Variants in UIMC1 observed in about 807,000 individuals in gnomAD.
The protein encoded by UIMC1 is BRCA1-A complex subunit RAP80.
A neutral mutation model predicts 84.9 loss-of-function variants in UIMC1; 42 were observed. The ratio of observed to expected loss-of-function variants is 0.49; its 90% confidence interval spans 0.39 to 0.64. The LOEUF is 0.64. Ranked by LOEUF, UIMC1 falls within the 30% of genes least tolerant of loss-of-function variation. UIMC1 has a pLI of 0.00. For synonymous variants in UIMC1, 281 were observed against 293.0 expected (o/e 0.96, Z 0.42); for missense variants, 825 against 847.6 (o/e 0.97, Z 0.33).
chr5:176,906,972 C>G, intron 13 of UIMC1, 142 bp downstream of exon 13: 1 of 738,292 alleles, frequency 1.4e-6, no homozygotes, highest in Non-Finnish European at 2.2e-6. Flanking sequence ...GGAGAGATGA[C>G]CTAGATTGAG....
chr5:176,927,851 C>CTT (rs754815729), intron 10 of UIMC1, among the ~76,000 whole-genome samples: 127 of 136,582 alleles, frequency 9.3e-4, no homozygotes, highest in African/African-American at 2.9e-3. Context: ...GGCCAGCCAG[C>CTT]TTTTTTTTTT....
At chr5:177,010,903 C>T (rs1355680276), upstream of UIMC1, among the ~76,000 whole-genome samples, 1 of 151,998 alleles carries the variant, frequency 6.6e-6, no homozygotes, top group Non-Finnish European at 1.5e-5. Flanking sequence ...TTTTAAGAAC[C>T]ACTACTGGGC....
chr5:176,957,689 A>G (rs1255979995), intron 7 of UIMC1, among the ~76,000 whole-genome samples: 2 of 152,240 alleles, frequency 1.3e-5, no homozygotes, highest in African/African-American at 4.8e-5. Context: ...AGATAAAATA[A>G]GCATAAGCAG....
intron 9 of UIMC1, among the ~76,000 whole-genome samples, chr5:176,943,783 T>C (rs886820303): frequency 1.3e-5 from 2 of 152,260 alleles, no homozygotes; most frequent in Admixed American, 6.5e-5. Flanking sequence ...TTAAACACTC[T>C]ATATGTATTA....
chr5:176,906,141 C>T, intron 13 of UIMC1, 94 bp from the exon 14 acceptor site: 2 of 1,214,950 alleles, frequency 1.6e-6, no homozygotes, highest in Non-Finnish European at 2.4e-6. Flanking sequence ...CTAGGCACTG[C>T]TTCTCATCAG....
chr5:176,968,755 T>A lies in UIMC1; in HGVS notation c.1000A>T (p.Asn334Tyr). The A allele has an allele frequency of 1.9e-6, 3 of 1,614,184 alleles. No homozygotes were observed. In the East Asian group the frequency reaches 6.7e-5, roughly 36 times the overall value. Reference sequence around the variant, plus strand: ...GCCTGCTCTCCTTGGCCACATTCATTCTGGATCAGAGAAGGAGGTCTAGGT... The same window carrying A: ...GCCTGCTCTCCTTGGCCACATTCATACTGGATCAGAGAAGGAGGTCTAGGT... Reference protein sequence around the residue: ...VLPRPPSLIQNECGQGEQASE... With the variant: ...VLPRPPSLIQYECGQGEQASE... Residue 334 changes from asparagine to tyrosine, a missense_variant, in exon 6 of 15, where the codon AAT (asparagine) becomes TAT (tyrosine). Physicochemically the swap from Asn to Tyr is moderately radical, Grantham distance 143. Coordinates refer to ENST00000511320, the MANE Select transcript of UIMC1 (RefSeq NM_001199298.2).
At chr5:176,930,265 A>G (rs1277086794) in intron 10 of UIMC1, among the ~76,000 whole-genome samples, 1 of 152,170 alleles carries the variant, frequency 6.6e-6, no homozygotes, top group Non-Finnish European at 1.5e-5. Context: ...TTATACAAAC[A>G]CACAGTTTTA....
chr5:176,915,932 G>GT (rs1760930592), intron 10 of UIMC1, among the ~76,000 whole-genome samples: 1 of 152,164 alleles, frequency 6.6e-6, no homozygotes, highest in African/African-American at 2.4e-5. Context: ...AGAAAAAGTG[G>GT]TAAGTGGTAA....
rs1375237698 is a variant in UIMC1 at position 176,911,147 on chromosome 5, AAAGAAAAGAAAAGAAAAGAAAAGAAAAG to A, written c.1676+136_1676+163del. On this transcript the variant is annotated intron_variant, in intron 11 of 14. Transcript: ENST00000511320. ...AAAGAAAAGAAAAGAAAAGAAAAGA[AAAGAAAAGAAAAGAAAAGAAAAGAAAAG>A]AAAATTCAGGCATCCAAGCAATGAA... Among the ~76,000 whole-genome samples the A allele has an allele frequency of 5.2e-4, 38 of 73,258 alleles. 1 individual carries two copies. Among genetic ancestry groups the A allele is most frequent in the African/African-American group, 1.2e-3 (23 of 19,490 alleles). 48.1% of individuals were successfully genotyped at this position (73,258 alleles called of 152,430 possible).
exon 1 of UIMC1, chr5:177,022,576 T>C (rs891292129): frequency 2.5e-5 from 17 of 681,924 alleles, no homozygotes; most frequent in Non-Finnish European, 3.5e-5. Flanking sequence ...CGCTCTGAGG[T>C]ACCAGAGGTA....
At chr5:177,016,473 C>T (rs1317742639) in intron 1 of UIMC1, among the ~76,000 whole-genome samples, 6 of 151,488 alleles carry the variant, frequency 4.0e-5, no homozygotes, top group African/African-American at 1.5e-4. Context: ...GGGCGGATCA[C>T]GAGGTCAAAA....
intron 3 of UIMC1, among the ~76,000 whole-genome samples, chr5:176,972,942 GTC>G (rs1386929599): frequency 6.9e-6 from 1 of 144,646 alleles, no homozygotes; most frequent in Non-Finnish European, 1.5e-5. Context: ...TTGAAATGGC[GTC>G]TCTCTCTGTT....
At chr5:176,946,333 G>A (rs1027716237) in intron 9 of UIMC1, among the ~76,000 whole-genome samples, 4 of 152,032 alleles carry the variant, frequency 2.6e-5, no homozygotes, top group African/African-American at 9.7e-5. Flanking sequence ...CCAACATAGC[G>A]AAACCCCATC....
intron 6 of UIMC1, among the ~76,000 whole-genome samples, chr5:176,967,697 G>A (rs1294216651): frequency 2.0e-5 from 3 of 152,058 alleles, no homozygotes; most frequent in Admixed American, 2.0e-4. Flanking sequence ...GAGTACAGGA[G>A]TTCGAGACCA....
chr5:176,935,830 G>C (rs1208244200), intron 10 of UIMC1, among the ~76,000 whole-genome samples: 1 of 152,034 alleles, frequency 6.6e-6, no homozygotes, highest in Non-Finnish European at 1.5e-5. Context: ...TTAACTCTCA[G>C]GCATATCTAT....
intron 1 of UIMC1, among the ~76,000 whole-genome samples, chr5:177,022,017 G>A (rs1025991914): frequency 6.6e-6 from 1 of 152,198 alleles, no homozygotes; most frequent in Non-Finnish European, 1.5e-5. Context: ...TAAGCGTCAT[G>A]ATCTGACTTG....
At chr5:177,016,746 G>A (rs1775681308) in intron 1 of UIMC1, among the ~76,000 whole-genome samples, 1 of 150,852 alleles carries the variant, frequency 6.6e-6, no homozygotes, top group Non-Finnish European at 1.5e-5. Flanking sequence ...CAGTAGGCCG[G>A]GCGCGGCGGC....
chr5:176,961,468 C>T (rs1430011502), intron 6 of UIMC1, among the ~76,000 whole-genome samples: 2 of 38,592 alleles, frequency 5.2e-5, no homozygotes, highest in Non-Finnish European at 9.5e-5. Context: ...GGAGCCTCTC[C>T]GCCCAGCAGC....
At chr5:176,992,230 A>G (rs1171153624) in intron 1 of UIMC1, among the ~76,000 whole-genome samples, 1 of 152,206 alleles carries the variant, frequency 6.6e-6, no homozygotes, top group African/African-American at 2.4e-5. Flanking sequence ...GGATTAACTA[A>G]AATTGTGTGT....
Sources: allele counts gnomAD v4.1 joint callset (sites outside exome capture counted in the v4.1 genomes callset), GRCh38; gene constraint gnomAD v4.1.1; transcripts MANE v1.5; gene names NCBI Gene and HGNC (gene_info 2026-07-23, HGNC 2026-07-21).